RBPJ: variants seen among roughly 807,000 people sequenced by gnomAD.
RBPJ encodes the protein recombining binding protein suppressor of hairless.
A neutral mutation model predicts 67.8 loss-of-function variants in RBPJ; 9 were observed. The observed-to-expected ratio is 0.13, with a 90% CI of 0.08 to 0.23. The LOEUF (loss-of-function observed/expected upper bound fraction) is 0.23. Among genes scored for constraint, RBPJ ranks in the 10% least tolerant of loss-of-function variants. RBPJ has a pLI of 1.00. For missense variants in RBPJ, 305 were observed against 595.6 expected (o/e 0.51, Z 5.08); for synonymous variants, 198 against 203.3 (o/e 0.97, Z 0.22).
chr4:26,319,655 G>C, upstream of RBPJ: 1 of 637,362 alleles, frequency 1.6e-6, no homozygotes, highest in Admixed American at 2.6e-5. Context: ...TTGTGTCTGA[G>C]CCGAGTAGTG....
At chr4:26,130,322 A>G in the RBPJ span, among the ~76,000 whole-genome samples, 1 of 152,212 alleles carries the variant, frequency 6.6e-6, no homozygotes, top group Admixed American at 6.5e-5. Flanking sequence ...CTCCTCCCCA[A>G]GGAGTGGTTA....
At chr4:26,114,456 C>CAA in the RBPJ span, among the ~76,000 whole-genome samples, 2 of 90,986 alleles carry the variant, frequency 2.2e-5, no homozygotes, top group African/African-American at 3.7e-5. Context: ...AGACTCCTCT[C>CAA]AAAAAAAAAA....
chr4:26,327,821 G>A (rs1176473391), intron 1 of RBPJ, among the ~76,000 whole-genome samples: 2 of 151,646 alleles, frequency 1.3e-5, no homozygotes, highest in Non-Finnish European at 2.9e-5. Flanking sequence ...CTCCAGCCTG[G>A]GTGACAGAGA....
At chr4:26,213,481 A>G (rs1264240973) in intron 1 of RBPJ, among the ~76,000 whole-genome samples, 1 of 152,224 alleles carries the variant, frequency 6.6e-6, no homozygotes, top group South Asian at 2.1e-4. Context: ...CAGAGGACAC[A>G]GTAGATGCAA....
chr4:26,317,058 C>T (rs1371658475), upstream of RBPJ, among the ~76,000 whole-genome samples: 1 of 151,390 alleles, frequency 6.6e-6, no homozygotes, highest in Non-Finnish European at 1.5e-5. Flanking sequence ...GCAGCTAAGG[C>T]TTGAATAATG....
rs1020925084 is a variant in RBPJ, at chr4:26,431,023, T to G, written c.*16T>G. ...GGTATCCTAACTACCGTCTTTTTGC[T>G]AGGACTTAAACTGACTTGAGTGTGG... is the stretch of plus-strand genomic sequence containing the variant. On this transcript the variant is annotated 3_prime_UTR_variant, in exon 11 of 11. Transcript: ENST00000355476. The G allele has an allele frequency of 7.5e-6, 12 of 1,606,772 alleles. No homozygotes were observed. The Admixed American group carries it at 2.0e-4, about 27-fold the overall frequency.
intron 1 of RBPJ, among the ~76,000 whole-genome samples, chr4:26,290,172 A>G (rs780725185): frequency 6.7e-6 from 1 of 149,564 alleles, no homozygotes; most frequent in Non-Finnish European, 1.5e-5. Flanking sequence ...TCCCATCTCT[A>G]CATGTGACTT....
chr4:26,385,497 C>T (rs1302990703), intron 1 of RBPJ, among the ~76,000 whole-genome samples: 1 of 152,182 alleles, frequency 6.6e-6, no homozygotes, highest in East Asian at 1.9e-4. Context: ...CAATCTTACT[C>T]TAGAGTCTTT....
intron 1 of RBPJ, among the ~76,000 whole-genome samples, chr4:26,329,196 T>G (rs1723974308): frequency 6.6e-6 from 1 of 152,178 alleles, no homozygotes; most frequent in African/African-American, 2.4e-5. Flanking sequence ...TTTCTCCATG[T>G]TGGTGAGACT....
chr4:26,230,809 T>TTTATAGCAAAATAGCCC (rs1366922427), intron 1 of RBPJ, among the ~76,000 whole-genome samples: 1 of 152,192 alleles, frequency 6.6e-6, no homozygotes, highest in Non-Finnish European at 1.5e-5. Flanking sequence ...CCACAAAATA[T>TTTATAGCAAAATAGCCC]ATTTATAGCA....
intron 1 of RBPJ, among the ~76,000 whole-genome samples, chr4:26,255,358 C>T (rs866723576): frequency 1.4e-3 from 157 of 109,468 alleles, no homozygotes; most frequent in African/African-American, 3.3e-3. Context: ...GAGCCGAGAT[C>T]GCGCCACCGC....
chr4:26,250,974 C>T (rs1720090370), intron 1 of RBPJ, among the ~76,000 whole-genome samples: 1 of 152,186 alleles, frequency 6.6e-6, no homozygotes, highest in African/African-American at 2.4e-5. Context: ...AAACGCATTT[C>T]TTAAAGTGGA....
chr4:26,415,706 A>AT, intron 4 of RBPJ, 66 bp downstream of exon 4: 1 of 1,434,472 alleles, frequency 7.0e-7, no homozygotes, highest in Non-Finnish European at 9.4e-7. Context: ...TTTCATATTC[A>AT]TTTTTGTGGT....
chr4:26,338,695 C>T lies in RBPJ; in HGVS notation c.20+17647C>T, dbSNP rs981175768. Among the ~76,000 whole-genome samples the T allele has an allele frequency of 1.7e-4, 26 of 152,108 alleles. 1 individual carries two copies. In the East Asian group the frequency reaches 1.7e-3, roughly 10 times the overall value. ...GGTTTAAACAGTTCTCTGCCTCAGC[C>T]TCTTGAGTAGCTGGGATTACAGGTG... On this transcript the variant is annotated intron_variant, in intron 1 of 10. Coordinates refer to ENST00000355476, the MANE Select transcript of RBPJ (RefSeq NM_015874.6).
intron 3 of RBPJ, among the ~76,000 whole-genome samples, chr4:26,408,892 C>G (rs1733739970): frequency 6.6e-6 from 1 of 152,218 alleles, no homozygotes; most frequent in South Asian, 2.1e-4. Context: ...AGGAAAAGAT[C>G]CTTTAAATAC....
intron 1 of RBPJ, among the ~76,000 whole-genome samples, chr4:26,178,775 C>G (rs1248156434): frequency 1.3e-5 from 2 of 150,580 alleles, no homozygotes; most frequent in East Asian, 3.9e-4. Flanking sequence ...AGAACTGTGC[C>G]GTTTGGAATT....
chr4:26,347,338 G>A (rs1726271623), intron 1 of RBPJ, among the ~76,000 whole-genome samples: 1 of 152,180 alleles, frequency 6.6e-6, no homozygotes, highest in South Asian at 2.1e-4. Flanking sequence ...ATAGAGTTAG[G>A]CAGAGACAGA....
At chr4:26,427,559 C>T (rs1347215834) in intron 7 of RBPJ, among the ~76,000 whole-genome samples, 1 of 152,052 alleles carries the variant, frequency 6.6e-6, no homozygotes, top group Admixed American at 6.6e-5. Context: ...CAGTTGTGGT[C>T]CTGAAAGCAA....
the RBPJ span, among the ~76,000 whole-genome samples, chr4:26,131,125 T>C: frequency 6.6e-6 from 1 of 152,340 alleles, no homozygotes; most frequent in Non-Finnish European, 1.5e-5. Flanking sequence ...CAGAAACGCA[T>C]CATTTACATA....
Sources: gnomAD v4.1 joint callset for allele counts (sites outside exome capture counted in the v4.1 genomes callset) on GRCh38, gnomAD v4.1.1 for gene constraint, MANE v1.5 for transcripts, NCBI Gene and HGNC (gene_info 2026-07-23, HGNC 2026-07-21) for gene names.